SHISAL1: variants seen among roughly 807,000 people sequenced by gnomAD.
SHISAL1 encodes the protein shisa like 1, also known as protein shisa-like-1.
SHISAL1 carries 9 observed loss-of-function variants against 22.6 expected under a neutral mutation model. That is an observed-to-expected ratio of 0.40 (90% CI 0.24 to 0.70). The LOEUF is 0.70. Ranked by LOEUF, SHISAL1 falls within the 30% of genes least tolerant of loss-of-function variation. SHISAL1 has a pLI of 0.39. For synonymous variants in SHISAL1, 119 were observed against 115.4 expected, an observed-to-expected ratio of 1.03 and a Z score of -0.20; for missense variants, 246 against 270.6, an observed-to-expected ratio of 0.91 and a Z score of 0.64.
At chr22:44,301,736 A>G (rs1182892671) in intron 1 of SHISAL1, among the ~76,000 whole-genome samples, 2 of 152,192 alleles carry the variant, frequency 1.3e-5, no homozygotes, top group Non-Finnish European at 2.9e-5. Context: ...CAGGAGGGAA[A>G]CTATGATACA....
chr22:44,301,459 T>C (rs763856098), intron 1 of SHISAL1, among the ~76,000 whole-genome samples: 5 of 152,092 alleles, frequency 3.3e-5, no homozygotes, highest in Admixed American at 6.5e-5. Flanking sequence ...GTGCATGAAA[T>C]AGAAGCAGTT....
intron 2 of SHISAL1, among the ~76,000 whole-genome samples, chr22:44,300,534 CTA>C (rs2055420829): frequency 6.6e-6 from 1 of 152,232 alleles, no homozygotes. Flanking sequence ...GTTTCCTCAT[CTA>C]TAAAATGGGA....
At chr22:44,305,572 T>C (rs1432665132) in intron 1 of SHISAL1, among the ~76,000 whole-genome samples, 1 of 152,202 alleles carries the variant, frequency 6.6e-6, no homozygotes, top group Non-Finnish European at 1.5e-5. Context: ...GGCTGGGGCT[T>C]AGGAGTTCCA....
chr22:44,315,764 T>C (rs138023550), upstream of SHISAL1, among the ~76,000 whole-genome samples: 149 of 152,290 alleles, frequency 9.8e-4, no homozygotes, highest in African/African-American at 3.4e-3. Context: ...GCCTCCATCC[T>C]GGCCCCTCCA....
At chr22:44,291,320 G>A (rs1207754063) in intron 3 of SHISAL1, among the ~76,000 whole-genome samples, 1 of 152,208 alleles carries the variant, frequency 6.6e-6, no homozygotes, top group African/African-American at 2.4e-5. Context: ...CTCTGAGGGT[G>A]CTCCTCTCCT....
At chr22:44,331,532 C>G in the SHISAL1 span, among the ~76,000 whole-genome samples, 2 of 150,418 alleles carry the variant, frequency 1.3e-5, no homozygotes, top group Non-Finnish European at 3.0e-5. This position sits in a 1 kb window ranked among gnomAD's most constrained non-coding sequence, Gnocchi z 5.2. Context: ...GCTTCGTAGC[C>G]GGGAGCCGGC....
intron 4 of SHISAL1, among the ~76,000 whole-genome samples, chr22:44,261,722 C>G (rs926663434): frequency 1.1e-4 from 17 of 152,260 alleles, no homozygotes; most frequent in Non-Finnish European, 2.5e-4. Flanking sequence ...TCTGCTCTCA[C>G]GGCAAACACG....
At chr22:44,303,103 C>T (rs1379793262) in intron 1 of SHISAL1, among the ~76,000 whole-genome samples, 2 of 152,062 alleles carry the variant, frequency 1.3e-5, no homozygotes, top group Non-Finnish European at 2.9e-5. Context: ...GCGTCGTCCT[C>T]CCAGAGCCCC....
intron 4 of SHISAL1, among the ~76,000 whole-genome samples, chr22:44,284,864 C>T (rs1331836726): frequency 1.7e-5 from 2 of 117,252 alleles, no homozygotes; most frequent in Non-Finnish European, 3.6e-5. Context: ...CCCCACAAGG[C>T]CAACCCTTGA....
chr22:44,325,292 G>T, the SHISAL1 span, among the ~76,000 whole-genome samples: 8 of 151,766 alleles, frequency 5.3e-5, no homozygotes, highest in Non-Finnish European at 1.2e-4. Flanking sequence ...TGAGCTGAAG[G>T]CTGAACCTGG....
intron 4 of SHISAL1, among the ~76,000 whole-genome samples, chr22:44,269,340 A>C (rs2055188993): frequency 6.7e-6 from 1 of 148,530 alleles, no homozygotes; most frequent in Non-Finnish European, 1.5e-5. Flanking sequence ...ACACATACAC[A>C]CACCATGTCA....
At position 44,294,829 on chromosome 22, in the gene SHISAL1, A is replaced by G. The variant is rs182714774; in HGVS notation, c.281+1843T>C. Among the ~76,000 whole-genome samples the G allele has an allele frequency of 1.0e-3, 156 of 152,362 alleles. 2 individuals are homozygous for G. Among genetic ancestry groups the G allele is most frequent in the Admixed American group, 5.9e-3 (91 of 15,302 alleles). On this transcript the variant is annotated intron_variant, in intron 3 of 4. Coordinates refer to ENST00000381176, the MANE Select transcript of SHISAL1 (RefSeq NM_001099294.2). ...TTGCTTTTAACAATACTCAGAGGAT[A>G]TAGTGGAAGGAAAGACCCAACAGCA...
At chr22:44,282,480 G>A (rs2055283383) in intron 4 of SHISAL1, among the ~76,000 whole-genome samples, 1 of 152,038 alleles carries the variant, frequency 6.6e-6, no homozygotes, top group Admixed American at 6.5e-5. Flanking sequence ...AGAAGTGGCT[G>A]GCCTCATTAG....
At chr22:44,319,861 G>A in the SHISAL1 span, among the ~76,000 whole-genome samples, 17 of 152,312 alleles carry the variant, frequency 1.1e-4, no homozygotes, top group African/African-American at 2.9e-4. Context: ...GAAAGGGGTC[G>A]TCAGTGTGGG....
chr22:44,268,791 C>T (rs2055184353), intron 4 of SHISAL1, among the ~76,000 whole-genome samples: 1 of 152,138 alleles, frequency 6.6e-6, no homozygotes, highest in South Asian at 2.1e-4. Flanking sequence ...GGGTAAGCAC[C>T]TGGGGGCAGG....
At chr22:44,325,408 C>A in the SHISAL1 span, among the ~76,000 whole-genome samples, 2 of 152,176 alleles carry the variant, frequency 1.3e-5, no homozygotes, top group Non-Finnish European at 2.9e-5. Flanking sequence ...GCTGGCAGCC[C>A]CAGCATGGGC....
intron 4 of SHISAL1, among the ~76,000 whole-genome samples, chr22:44,266,528 A>ATGTGTGTGTGTGTGTGTGTGTGTGTGTG (rs11473448): frequency 8.9e-4 from 97 of 108,400 alleles, no homozygotes; most frequent in Non-Finnish European, 1.1e-3. Context: ...GCTTTGGGGT[A>ATGTGTGTGTGTGTGTGTGTGTGTGTGTG]TGTGTGTGTG....
intron 4 of SHISAL1, among the ~76,000 whole-genome samples, chr22:44,279,793 G>T (rs1479413984): frequency 6.6e-6 from 1 of 152,166 alleles, no homozygotes; most frequent in African/African-American, 2.4e-5. Context: ...AGGCTCTAAT[G>T]GCTGCTCTGC....
At chr22:44,314,848 A>T (rs1189684337), upstream of SHISAL1, among the ~76,000 whole-genome samples, 1 of 152,198 alleles carries the variant, frequency 6.6e-6, no homozygotes, top group Admixed American at 6.5e-5. Flanking sequence ...CTCTTCAGCT[A>T]CCCAAATGCA....
Sources: gnomAD v4.1 joint callset for allele counts (sites outside exome capture counted in the v4.1 genomes callset) on GRCh38, gnomAD v4.1.1 for gene constraint, Gnocchi (gnomAD v3.1) non-coding constraint, MANE v1.5 for transcripts, NCBI Gene and HGNC (gene_info 2026-07-23, HGNC 2026-07-21) for gene names.